Variants in RPGRIP1 observed in about 807,000 individuals in gnomAD.
RPGRIP1 encodes the protein X-linked retinitis pigmentosa GTPase regulator-interacting protein 1.
In RPGRIP1, 128 loss-of-function variants were observed where a neutral mutation model predicts 157.9. The observed-to-expected ratio is 0.81, with a 90% CI of 0.70 to 0.94. RPGRIP1 has a LOEUF of 0.94. RPGRIP1 is among the 40% of genes least tolerant of loss of function. The pLI is 0.00. For synonymous variants in RPGRIP1, 554 were observed against 571.6 expected, an observed-to-expected ratio of 0.97 and a Z score of 0.44; for missense variants, 1,486 against 1,545.8, an observed-to-expected ratio of 0.96 and a Z score of 0.65.
At position 21,294,785 on chromosome 14, in the gene RPGRIP1, G is replaced by C; in HGVS notation, c.194G>C (p.Trp65Ser). Residue 65 changes from tryptophan to serine, a missense_variant, in exon 3 of 25, where the codon TGG becomes TCG. Coordinates refer to ENST00000400017, the MANE Select transcript of RPGRIP1 (RefSeq NM_020366.4). Reference protein sequence around the residue: ...EDHMLVKELSWKQQDEIKRLR... With the variant: ...EDHMLVKELSSKQQDEIKRLR... Reference sequence around the variant, plus strand: ...CACATGTTGGTGAAGGAGCTTTCTTGGAAGCAACAGGATGAGATCAAAAGG... The same window carrying C: ...CACATGTTGGTGAAGGAGCTTTCTTCGAAGCAACAGGATGAGATCAAAAGG... The C allele has an allele frequency of 1.9e-6, 3 of 1,593,108 alleles. No individual in the cohort carries two copies. Among genetic ancestry groups the C allele is most frequent in the Non-Finnish European group, 2.6e-6 (3 of 1,168,278 alleles).
intron 11 of RPGRIP1, among the ~76,000 whole-genome samples, chr14:21,318,787 A>G (rs1459665038): frequency 6.6e-6 from 1 of 152,054 alleles, no homozygotes; most frequent in Non-Finnish European, 1.5e-5. Flanking sequence ...AAGTATTGAA[A>G]GTGAATTTCT....
In RPGRIP1 at chr14:21,324,552, C is replaced by T. The variant is rs8015319; in HGVS notation, c.1763-66C>T. ...ATGTGTTTTATATTTCTTTTGTCCA[C>T]CCTCCTCTACCCTAAGAAAGAGCTC... On this transcript the variant is annotated intron_variant, in intron 14 of 24. Transcript: ENST00000400017. The T allele has an allele frequency of 5.5e-3, 7,269 of 1,313,556 alleles. 306 individuals are homozygous for T. The African/African-American group carries it at 0.092, about 17-fold the overall frequency. 81.4% of individuals were successfully genotyped at this position (1,313,556 alleles called of 1,614,324 possible). A position where few individuals can be genotyped will look rare whatever the true frequency, so the allele number is the denominator to read the frequency against.
intron 1 of RPGRIP1, among the ~76,000 whole-genome samples, chr14:21,284,831 C>T (rs1481310954): frequency 6.6e-6 from 1 of 152,040 alleles, no homozygotes; most frequent in Admixed American, 6.6e-5. Flanking sequence ...CGAATACAGG[C>T]GTGAACCACT....
intron 13 of RPGRIP1, among the ~76,000 whole-genome samples, 173 bp from the exon 14 acceptor site, chr14:21,321,681 A>G (rs1882490116): frequency 1.3e-5 from 2 of 152,188 alleles, no homozygotes; most frequent in Admixed American, 1.3e-4. Flanking sequence ...CCCTACCTCA[A>G]TGATAGCACA....
intron 21 of RPGRIP1, among the ~76,000 whole-genome samples, chr14:21,335,292 C>G (rs984223966): frequency 6.6e-5 from 10 of 152,080 alleles, no homozygotes; most frequent in Non-Finnish European, 1.3e-4. Context: ...ACTCCCATAT[C>G]CTCCATTGTG....
intron 9 of RPGRIP1, 63 bp downstream of exon 9, chr14:21,312,033 T>A: frequency 6.9e-7 from 1 of 1,449,512 alleles, no homozygotes; most frequent in Non-Finnish European, 9.6e-7. Flanking sequence ...AGAATGTGTA[T>A]CTTAGCAACA....
chr14:21,307,651 T>C, intron 6 of RPGRIP1, 80 bp from the exon 7 acceptor site: 1 of 884,730 alleles, frequency 1.1e-6, no homozygotes, highest in Non-Finnish European at 1.8e-6. Context: ...GGAGGTATTC[T>C]TACTAGGGCA....
At chr14:21,315,400 G>C (rs1328438357) in intron 10 of RPGRIP1, among the ~76,000 whole-genome samples, 1 of 151,460 alleles carries the variant, frequency 6.6e-6, no homozygotes, top group African/African-American at 2.4e-5. Flanking sequence ...CCAGCTACTC[G>C]GGAGGCTGAG....
Position 21,325,812 on chromosome 14 carries a change from A to G in RPGRIP1, c.2368-19A>G. ...CTCAAGCTGCCCTTTTCCTCAATCC[A>G]TGACCAACATCTTTCCAGTTCAGAT... On this transcript the variant is annotated intron_variant, in intron 16 of 24. Coordinates refer to ENST00000400017, the MANE Select transcript of RPGRIP1 (RefSeq NM_020366.4). 6.3e-7 allele frequency: 1 copy of G among 1,590,688 alleles called. No homozygotes were observed.
chr14:21,345,383 A>G (rs1384918205), intron 23 of RPGRIP1, among the ~76,000 whole-genome samples, 186 bp downstream of exon 23: 1 of 145,036 alleles, frequency 6.9e-6, no homozygotes, highest in Non-Finnish European at 1.5e-5. Context: ...ACCTAATCTT[A>G]TAGGTTATTT....
chr14:21,280,786 C>G (rs192562137), intron 1 of RPGRIP1, among the ~76,000 whole-genome samples: 2 of 152,088 alleles, frequency 1.3e-5, no homozygotes, highest in African/African-American at 4.8e-5. Flanking sequence ...ACACTGTTCT[C>G]TCCCCAATTT....
rs1882447584 is a variant in RPGRIP1, at chr14:21,321,365, T to C, written c.1574T>C (p.Met525Thr). Reference sequence around the variant, plus strand: ...TTGGAACTAGAAAAGACCAGGGACATGCTTATTCTGCAGCGCAAAATCAAC... The same window carrying C: ...TTGGAACTAGAAAAGACCAGGGACACGCTTATTCTGCAGCGCAAAATCAAC... The part of the protein sequence containing the change: ...TTLELEKTRD[M>T]LILQRKINVC... Residue 525 changes from methionine to threonine, a missense_variant, in exon 13 of 25, where the codon ATG (methionine) becomes ACG (threonine). Transcript: ENST00000400017. 1 of 1,612,796 alleles carries C rather than the reference T, an allele frequency of 6.2e-7. No individual in the cohort carries two copies. Among genetic ancestry groups the C allele is most frequent in the African/African-American group, 1.3e-5 (1 of 74,850 alleles).
rs767123489 is a variant in RPGRIP1 at position 21,317,804 on chromosome 14, G to A, written c.1260G>A (p.Glu420=). 1.9e-6 allele frequency: 3 copies of A among 1,605,920 alleles called. No homozygotes were observed. The highest frequency in any genetic ancestry group is 2.6e-6 in the Non-Finnish European group (3 of 1,176,286). ...AGCTGCAGGATCAGCTGGATGCTGAGCTGGAGGACAAGAGAAAAGTTTTAC... is the reference window on the plus strand; with the variant it reads ...AGCTGCAGGATCAGCTGGATGCTGAACTGGAGGACAAGAGAAAAGTTTTAC... ...VSQLQDQLDA[E]LEDKRKVLLE... Residue 420 remains glutamate (E), a synonymous_variant, in exon 11 of 25, where the codon GAG becomes GAA. Coordinates refer to ENST00000400017, the MANE Select transcript of RPGRIP1 (RefSeq NM_020366.4).
rs766132168 is a variant in RPGRIP1, at chr14:21,301,212, A to ACCGGTG, written c.470_475dup (p.Val157_Pro158dup). ...ACAGACAGCTCCACACAGCCGGTGCACCGGTGCCGGAGAAACCCAAGAGGG... is the reference window on the plus strand; with the variant it reads ...ACAGACAGCTCCACACAGCCGGTGCACCGGTGCCGGTGCCGGAGAAACCCAAGAGGG... On this transcript the variant is annotated inframe_insertion, in exon 4 of 25. Transcript: ENST00000400017. The ACCGGTG allele has an allele frequency of 6.3e-7, 1 of 1,591,826 alleles. No individual in the cohort carries two copies.
At position 21,327,707 on chromosome 14, in the gene RPGRIP1, C is replaced by G. The variant is rs763149858; in HGVS notation, c.2795C>G (p.Pro932Arg). Reference protein sequence around the residue: ...QLDWKFPYIPPESFLKPEAQT... With the variant: ...QLDWKFPYIPRESFLKPEAQT... Reference sequence around the variant, plus strand: ...GATTGGAAGTTTCCCTACATACCCCCTGAGAGCTTCCTGAAACCAGAAGCT... The same window carrying G: ...GATTGGAAGTTTCCCTACATACCCCGTGAGAGCTTCCTGAAACCAGAAGCT... Residue 932 changes from proline (P) to arginine (R), a missense_variant, in exon 18 of 25, where the codon CCT becomes CGT. Coordinates refer to ENST00000400017, the MANE Select transcript of RPGRIP1 (RefSeq NM_020366.4). 6.2e-7 allele frequency: 1 copy of G among 1,613,916 alleles called. No individual in the cohort carries two copies. The highest frequency in any genetic ancestry group is 1.7e-5 in the Admixed American group (1 of 60,018).
chr14:21,296,970 TATTA>T (rs1454980187), intron 3 of RPGRIP1, among the ~76,000 whole-genome samples: 1 of 149,856 alleles, frequency 6.7e-6, no homozygotes, highest in Non-Finnish European at 1.5e-5. Flanking sequence ...AAAAAAAAAG[TATTA>T]ATTCATTTAA....
At chr14:21,303,622 T>A in intron 6 of RPGRIP1, 79 bp downstream of exon 6, 2 of 1,061,704 alleles carry the variant, frequency 1.9e-6, no homozygotes, top group South Asian at 2.8e-5. Context: ...CTTTCCTCCA[T>A]CTCAGAGGAA....
At chr14:21,335,624 A>T (rs1404443605) in intron 21 of RPGRIP1, among the ~76,000 whole-genome samples, 1 of 152,002 alleles carries the variant, frequency 6.6e-6, no homozygotes, top group Non-Finnish European at 1.5e-5. Flanking sequence ...AGGTCAGGAG[A>T]TCGAGACCAT....
chr14:21,345,028 A>G (rs764825620), intron 22 of RPGRIP1, 85 bp from the exon 23 acceptor site: 1 of 857,612 alleles, frequency 1.2e-6, no homozygotes, highest in Non-Finnish European at 2.0e-6. Context: ...TATGAAAACT[A>G]CCATGAATAC....
Sources: allele counts gnomAD v4.1 joint callset (sites outside exome capture counted in the v4.1 genomes callset), GRCh38; gene constraint gnomAD v4.1.1; transcripts MANE v1.5; gene names NCBI Gene and HGNC (gene_info 2026-07-23, HGNC 2026-07-21).